Variants in ABCC9 observed in about 807,000 individuals in gnomAD.
ABCC9 encodes the protein ATP binding cassette subfamily C member 9, also known as ATP-binding cassette sub-family C member 9.
ABCC9 carries 95 observed loss-of-function variants against 188.3 expected under a neutral mutation model. The observed-to-expected ratio is 0.50, with a 90% CI of 0.43 to 0.60. ABCC9 has a LOEUF of 0.60. Ranked by LOEUF, ABCC9 falls within the 20% of genes least tolerant of loss-of-function variation. ABCC9 has a pLI of 0.00. For synonymous variants in ABCC9, 659 were observed against 652.7 expected, an observed-to-expected ratio of 1.01 and a Z score of -0.15; for missense variants, 1,102 against 1,876.3, an observed-to-expected ratio of 0.59 and a Z score of 7.62.
intron 18 of ABCC9, among the ~76,000 whole-genome samples, chr12:21,871,058 C>G (rs1592117020): frequency 6.6e-6 from 1 of 152,126 alleles, no homozygotes; most frequent in Non-Finnish European, 1.5e-5. Flanking sequence ...AAATCTCAAG[C>G]CTTTTCTGTC....
chr12:21,815,485 T>C (rs888340348), intron 34 of ABCC9, among the ~76,000 whole-genome samples: 2 of 152,168 alleles, frequency 1.3e-5, no homozygotes, highest in African/African-American at 4.8e-5. Flanking sequence ...GGGATGGCTA[T>C]TATGGCCAGG....
At chr12:21,926,181 C>A in intron 4 of ABCC9, 118 bp from the exon 5 acceptor site, 1 of 1,364,366 alleles carries the variant, frequency 7.3e-7, no homozygotes, top group Non-Finnish European at 1.0e-6. Context: ...ATACAGAATG[C>A]AATAGTAGTT....
At chr12:21,897,799 C>T (rs1243577720) in intron 12 of ABCC9, among the ~76,000 whole-genome samples, 1 of 152,120 alleles carries the variant, frequency 6.6e-6, no homozygotes, top group Non-Finnish European at 1.5e-5. Context: ...TTTTCCCCCT[C>T]ATGACTTCTT....
At chr12:21,922,709 C>T (rs576331138) in intron 5 of ABCC9, among the ~76,000 whole-genome samples, 21 of 145,072 alleles carry the variant, frequency 1.4e-4, no homozygotes, top group African/African-American at 5.3e-4. Flanking sequence ...TTTATAAATT[C>T]AATGCAATCC....
At chr12:21,803,887 A>G (rs1941658769) in intron 39 of ABCC9, among the ~76,000 whole-genome samples, 1 of 152,134 alleles carries the variant, frequency 6.6e-6, no homozygotes, top group East Asian at 1.9e-4. Context: ...AGCTGGAGAA[A>G]ATTATCTTGT....
At chr12:21,815,737 A>C in intron 34 of ABCC9, 26 bp downstream of exon 34, 1 of 1,610,726 alleles carries the variant, frequency 6.2e-7, no homozygotes, top group Non-Finnish European at 8.5e-7. Context: ...TATGTATACA[A>C]CATATCAAAT....
intron 39 of ABCC9, 140 bp from the exon 40 acceptor site, chr12:21,801,321 C>G: frequency 9.5e-7 from 1 of 1,052,424 alleles, no homozygotes; most frequent in Non-Finnish European, 1.4e-6. Context: ...ACAGACACCT[C>G]CCCTTTTTTC....
intron 31 of ABCC9, among the ~76,000 whole-genome samples, chr12:21,820,117 C>CT (rs1260929249): frequency 2.6e-5 from 4 of 152,054 alleles, no homozygotes; most frequent in Non-Finnish European, 4.4e-5. Flanking sequence ...AAAGTTAATA[C>CT]TTTCAAATTT....
At chr12:21,919,962 A>G (rs186277710) in intron 5 of ABCC9, among the ~76,000 whole-genome samples, 15 of 152,144 alleles carry the variant, frequency 9.9e-5, no homozygotes, top group East Asian at 9.7e-4. Flanking sequence ...AAACAGATCA[A>G]TGCAATTTAG....
intron 3 of ABCC9, among the ~76,000 whole-genome samples, chr12:21,935,530 A>T (rs11608658): frequency 0.029 from 4,482 of 152,274 alleles, 76 homozygotes; most frequent in Middle Eastern, 0.075. Flanking sequence ...CCCTTAAAGT[A>T]GATCATTAAA....
rs1947292964 is a variant in ABCC9 at position 21,894,085 on chromosome 12, TGTGACCAGGATATG to T, written c.1735_1748del (p.His579ThrfsTer24). On this transcript the variant is annotated frameshift_variant, in exon 14 of 40. Coordinates refer to ENST00000261200, the MANE Select transcript of ABCC9 (RefSeq NM_020297.4). LOFTEE classifies it high-confidence loss of function. ...CCACCGTGGAGAGCAGGAACAGTGG[TGTGACCAGGATATG>T]GAAGAGAGACAGTGAAGCAAAGGCC... 6.2e-7 allele frequency: 1 copy of T among 1,614,056 alleles called. No homozygotes were observed. The highest frequency in any genetic ancestry group is 2.2e-5 in the East Asian group (1 of 44,878).
intron 4 of ABCC9, 144 bp downstream of exon 4, chr12:21,933,638 A>G (rs1396623449): frequency 2.2e-5 from 19 of 857,678 alleles, no homozygotes; most frequent in Non-Finnish European, 3.3e-5. Flanking sequence ...AAAAAGACAT[A>G]AGAACTTCCT....
At position 21,882,885 on chromosome 12, in the gene ABCC9, A is replaced by G. The variant is rs779165053; in HGVS notation, c.1912-12T>C. 4 of 1,597,040 alleles carry G rather than the reference A, an allele frequency of 2.5e-6. No homozygotes were observed. Among genetic ancestry groups the G allele is most frequent in the Non-Finnish European group, 3.4e-6 (4 of 1,164,450 alleles). On this transcript the variant is annotated splice_polypyrimidine_tract_variant and intron_variant, in intron 15 of 39. Coordinates refer to ENST00000261200, the MANE Select transcript of ABCC9 (RefSeq NM_020297.4). ...ATAGTTTTTGGCTGCTGCATTCCAA[A>G]TGGAAAAGAACACAAGTTGAGGCTT...
chr12:21,881,575 C>A (rs1480270203), intron 16 of ABCC9, among the ~76,000 whole-genome samples: 1 of 152,046 alleles, frequency 6.6e-6, no homozygotes, highest in Non-Finnish European at 1.5e-5. Flanking sequence ...TTTTTATTCA[C>A]CAATACATTA....
chr12:21,870,439 G>A (rs1946014024), intron 18 of ABCC9, among the ~76,000 whole-genome samples: 1 of 151,830 alleles, frequency 6.6e-6, no homozygotes, highest in Non-Finnish European at 1.5e-5. Flanking sequence ...AAATTTTTTT[G>A]TACAGATAGG....
intron 30 of ABCC9, among the ~76,000 whole-genome samples, chr12:21,833,074 A>G (rs1012253792): frequency 4.6e-5 from 7 of 152,194 alleles, no homozygotes; most frequent in African/African-American, 1.7e-4. Context: ...CTAAGCTATG[A>G]GGATGCAAAG....
chr12:21,829,191 CTTTTTTTTTTTTTTTTTTT>C, intron 30 of ABCC9, 131 bp from the exon 31 acceptor site: 1 of 227,086 alleles, frequency 4.4e-6, no homozygotes, highest in Non-Finnish European at 8.1e-6. Flanking sequence ...AAATAGATTT[CTTTTTTTTTTTTTTTTTTT>C]TTTTTTTTTC....
rs781138592 is a variant in ABCC9, at chr12:21,844,456, G to A, written c.3315+27C>T. On this transcript the variant is annotated intron_variant, in intron 28 of 39. Transcript: ENST00000261200. ...AGCTTACATTGTGAAACTAATTTTT[G>A]AACTTGGAAGTAACCCAGTTACTCA... The A allele has an allele frequency of 3.8e-6, 6 of 1,581,578 alleles. No individual in the cohort carries two copies. The Admixed American group carries it at 8.3e-5, about 22-fold the overall frequency.
chr12:21,923,092 A>AG (rs1316821052), intron 5 of ABCC9: 2 of 151,428 alleles, frequency 1.3e-5, no homozygotes, highest in Non-Finnish European at 3.0e-5. Flanking sequence ...GGAAAAAAAA[A>AG]AAAAAGAACT....
Sources: gnomAD v4.1 joint callset for allele counts (sites outside exome capture counted in the v4.1 genomes callset) on GRCh38, gnomAD v4.1.1 for gene constraint, MANE v1.5 for transcripts, NCBI Gene and HGNC (gene_info 2026-07-23, HGNC 2026-07-21) for gene names.